The following KCNK9 variants were observed in gnomAD, a reference collection of about 807,000 sequenced individuals.
KCNK9 encodes potassium two pore domain channel subfamily K member 9.
A neutral mutation model predicts 10.8 loss-of-function variants in KCNK9; 1 was observed. The observed-to-expected ratio is 0.09, with a 90% CI of 0.03 to 0.44. The LOEUF is 0.44. Ranked by LOEUF, KCNK9 falls within the 20% of genes least tolerant of loss-of-function variation. The pLI is 0.97. For synonymous variants in KCNK9, 231 were observed against 222.7 expected, an observed-to-expected ratio of 1.04 and a Z score of -0.33; for missense variants, 303 against 515.0, an observed-to-expected ratio of 0.59 and a Z score of 3.98.
intron 1 of KCNK9, among the ~76,000 whole-genome samples, chr8:139,671,273 C>T (rs1816419992): frequency 1.3e-5 from 2 of 152,166 alleles, no homozygotes; most frequent in African/African-American, 4.8e-5. Context: ...GGCTCAGCCC[C>T]CATCACTCAC....
intron 1 of KCNK9, among the ~76,000 whole-genome samples, chr8:139,675,284 GC>G (rs1229824035): frequency 6.6e-6 from 1 of 152,202 alleles, no homozygotes; most frequent in Non-Finnish European, 1.5e-5. Flanking sequence ...CCTTCCACCT[GC>G]CCCACTGCCT....
chr8:139,635,221 G>A (rs1815302791), intron 1 of KCNK9, among the ~76,000 whole-genome samples: 1 of 152,226 alleles, frequency 6.6e-6, no homozygotes, highest in Non-Finnish European at 1.5e-5. Context: ...AGGGTGCCAG[G>A]CACTGTTCTA....
At chr8:139,606,176 G>A (rs554235080) in intron 2 of KCNK9, among the ~76,000 whole-genome samples, 5 of 152,228 alleles carry the variant, frequency 3.3e-5, no homozygotes, top group African/African-American at 7.2e-5. Flanking sequence ...GTAAGGGTCC[G>A]GGACCAACCA....
chr8:139,634,690 G>T (rs957944590), intron 1 of KCNK9, among the ~76,000 whole-genome samples: 1 of 152,130 alleles, frequency 6.6e-6, no homozygotes, highest in Non-Finnish European at 1.5e-5. Flanking sequence ...CACTTAGTAG[G>T]TAACCGTTCC....
chr8:139,603,314 G>A (rs1236619607), intron 2 of KCNK9, among the ~76,000 whole-genome samples: 5 of 152,150 alleles, frequency 3.3e-5, no homozygotes, highest in East Asian at 1.9e-4. Context: ...GGGGTGTGGC[G>A]GAGAGAGGGG....
chr8:139,643,659 T>A (rs1049456941), intron 1 of KCNK9, among the ~76,000 whole-genome samples: 2 of 152,142 alleles, frequency 1.3e-5, no homozygotes, highest in Non-Finnish European at 2.9e-5. Context: ...TGGCTTCCCA[T>A]CCTATGGCTC....
chr8:139,648,292 G>A (rs577364825), intron 1 of KCNK9, among the ~76,000 whole-genome samples: 3 of 152,304 alleles, frequency 2.0e-5, no homozygotes, highest in Admixed American at 6.5e-5. Flanking sequence ...TGCTACTGGG[G>A]ACGGGGTATT....
At chr8:139,696,070 C>G (rs2129808350) in intron 1 of KCNK9, among the ~76,000 whole-genome samples, 2 of 152,314 alleles carry the variant, frequency 1.3e-5, no homozygotes, top group South Asian at 4.1e-4. Context: ...ACTATAGAGA[C>G]AAGCAGCCCC....
chr8:139,646,114 G>C lies in KCNK9; in HGVS notation c.284-27015C>G, dbSNP rs191663208. 8.3e-4 allele frequency among the ~76,000 whole-genome samples: 126 copies of C among 152,226 alleles called. 1 individual carries two copies. Among genetic ancestry groups the C allele is most frequent in the African/African-American group, 2.9e-3 (122 of 41,524 alleles). On this transcript the variant is annotated intron_variant, in intron 1 of 1. Transcript: ENST00000520439. Reference sequence around the variant, plus strand: ...GGCTCCTTGCCCCTCTACTTGTCAAGTTGGAACTGGATCCAGTGTTCAGAG... The same window carrying C: ...GGCTCCTTGCCCCTCTACTTGTCAACTTGGAACTGGATCCAGTGTTCAGAG...
intron 1 of KCNK9, among the ~76,000 whole-genome samples, chr8:139,625,646 G>A (rs771221410): frequency 2.0e-5 from 3 of 151,918 alleles, no homozygotes; most frequent in Non-Finnish European, 4.4e-5. Flanking sequence ...ATACTTAGTG[G>A]GTCTCTTTGA....
intron 1 of KCNK9, among the ~76,000 whole-genome samples, chr8:139,678,431 C>G (rs1470849211): frequency 2.6e-5 from 4 of 152,230 alleles, no homozygotes; most frequent in African/African-American, 9.6e-5. Flanking sequence ...CTGCTCAGGG[C>G]AAGGTGCATC....
chr8:139,691,074 C>T (rs1030238577), intron 1 of KCNK9, among the ~76,000 whole-genome samples: 2 of 152,376 alleles, frequency 1.3e-5, no homozygotes, highest in Non-Finnish European at 2.9e-5. Context: ...TCACACACGG[C>T]ACCCTTCCCC....
At chr8:139,687,208 C>T (rs1816808241) in intron 1 of KCNK9, among the ~76,000 whole-genome samples, 1 of 151,824 alleles carries the variant, frequency 6.6e-6, no homozygotes, top group South Asian at 2.1e-4. Flanking sequence ...TCATCCTCTT[C>T]TATGCAACAA....
chr8:139,659,482 G>C lies in KCNK9; in HGVS notation c.284-40383C>G, dbSNP rs576297567. ...TCTCTCTGGCTTGGACCCTACCCCT[G>C]TATTGGTGTGGAAAGATCTCGAGGA... On this transcript the variant is annotated intron_variant, in intron 1 of 1. Coordinates refer to ENST00000520439, the MANE Select transcript of KCNK9 (RefSeq NM_001282534.2). Among the ~76,000 whole-genome samples the C allele has an allele frequency of 7.5e-3, 1,134 of 150,914 alleles. 11 individuals are homozygous for C. The highest frequency in any genetic ancestry group is 0.027 in the African/African-American group (1,080 of 40,674).
intron 2 of KCNK9, among the ~76,000 whole-genome samples, chr8:139,606,234 C>T (rs1043465740): frequency 6.6e-6 from 1 of 152,178 alleles, no homozygotes; most frequent in Non-Finnish European, 1.5e-5. Flanking sequence ...TAACTAAGCC[C>T]ATTTCTGCTA....
chr8:139,687,595 CATATGT>C (rs1816839523), intron 1 of KCNK9, among the ~76,000 whole-genome samples: 1 of 63,304 alleles, frequency 1.6e-5, no homozygotes, highest in African/African-American at 5.8e-5. Context: ...CATATATATT[CATATGT>C]ATACATATGT....
At chr8:139,641,192 G>C (rs899765140) in intron 1 of KCNK9, among the ~76,000 whole-genome samples, 1 of 152,164 alleles carries the variant, frequency 6.6e-6, no homozygotes. Context: ...GTAGCGGTGT[G>C]TGCTGTGGTG....
intron 1 of KCNK9, among the ~76,000 whole-genome samples, chr8:139,626,916 G>A (rs3780066): frequency 0.043 from 6,605 of 152,306 alleles, 274 homozygotes; most frequent in East Asian, 0.22. Flanking sequence ...TCCCACGGAA[G>A]CCTGCGGCAA....
chr8:139,607,063 C>G (rs1019534878), intron 2 of KCNK9, among the ~76,000 whole-genome samples: 6 of 152,210 alleles, frequency 3.9e-5, no homozygotes, highest in African/African-American at 1.4e-4. Flanking sequence ...CAGTAGTGTG[C>G]TCCTCTGAGG....
Sources: gnomAD v4.1 joint callset for allele counts (sites outside exome capture counted in the v4.1 genomes callset) on GRCh38, gnomAD v4.1.1 for gene constraint, MANE v1.5 for transcripts, NCBI Gene and HGNC (gene_info 2026-07-23, HGNC 2026-07-21) for gene names.